PLCB4: variants seen among roughly 807,000 people sequenced by gnomAD.
The protein encoded by PLCB4 is phospholipase C beta 4.
In PLCB4, 77 loss-of-function variants were observed where a neutral mutation model predicts 178.8. The observed-to-expected ratio is 0.43, with a 90% confidence interval of 0.36 to 0.52. The LOEUF is 0.52. PLCB4 is among the 20% of genes least tolerant of loss of function. PLCB4 has a pLI of 0.00. For missense variants in PLCB4, 1,024 were observed against 1,453.4 expected (o/e 0.70, Z 4.80); for synonymous variants, 496 against 490.8 (o/e 1.01, Z -0.14).
At chr20:9,308,405 C>T (rs1017589107) in intron 4 of PLCB4, among the ~76,000 whole-genome samples, 2 of 152,172 alleles carry the variant, frequency 1.3e-5, no homozygotes, top group African/African-American at 2.4e-5. Flanking sequence ...GTGATGACTC[C>T]AGACTTTCTA....
chr20:9,257,160 T>C lies in PLCB4; in HGVS notation c.-16+39708T>C, dbSNP rs74983217. Among the ~76,000 whole-genome samples, 658 of 152,312 alleles carry C rather than the reference T, an allele frequency of 4.3e-3. 5 individuals are homozygous for C. The highest frequency in any genetic ancestry group is 0.015 in the African/African-American group (627 of 41,568). On this transcript the variant is annotated intron_variant, in intron 3 of 39. Coordinates refer to ENST00000378473, the MANE Select transcript of PLCB4 (RefSeq NM_001377142.1). ...GAATATCTTGGGATACTTCCTTTCC[T>C]CCTAGAGGTAGTATTTATTCTGTTT...
At chr20:9,126,046 A>G (rs1311990951) in intron 2 of PLCB4, among the ~76,000 whole-genome samples, 2 of 152,138 alleles carry the variant, frequency 1.3e-5, no homozygotes, top group African/African-American at 4.8e-5. Flanking sequence ...GTGTAAAAGT[A>G]AAGACAGTAA....
At chr20:9,341,043 A>G (rs543140152) in intron 7 of PLCB4, among the ~76,000 whole-genome samples, 1 of 152,306 alleles carries the variant, frequency 6.6e-6, no homozygotes, top group East Asian at 1.9e-4. Flanking sequence ...AAGCTGGGCC[A>G]GAGTCCAACC....
intron 3 of PLCB4, among the ~76,000 whole-genome samples, chr20:9,246,412 C>A (rs2094126668): frequency 6.6e-6 from 1 of 152,196 alleles, no homozygotes. Context: ...AGCAGATGTA[C>A]AAACCCAGCT....
chr20:9,420,714 T>C (rs1258382087), intron 26 of PLCB4, among the ~76,000 whole-genome samples: 1 of 152,218 alleles, frequency 6.6e-6, no homozygotes, highest in Non-Finnish European at 1.5e-5. Flanking sequence ...TAGAAAATAA[T>C]GTAAACAAAA....
chr20:9,454,649 T>C (rs897563500), intron 33 of PLCB4, among the ~76,000 whole-genome samples: 1 of 152,222 alleles, frequency 6.6e-6, no homozygotes, highest in Non-Finnish European at 1.5e-5. Flanking sequence ...GAACAGATTA[T>C]GTTAGTTATA....
intron 2 of PLCB4, among the ~76,000 whole-genome samples, chr20:9,141,404 AAAGTTAGT>A (rs1210291343): frequency 7.2e-5 from 11 of 152,172 alleles, no homozygotes; most frequent in African/African-American, 2.7e-4. Flanking sequence ...ATCTAAAAAG[AAAGTTAGT>A]AAGTTAGTAA....
chr20:9,079,453 C>T (rs2090041259), intron 1 of PLCB4, among the ~76,000 whole-genome samples: 1 of 152,172 alleles, frequency 6.6e-6, no homozygotes, highest in African/African-American at 2.4e-5. Context: ...AATATCCCTC[C>T]AGGGAGACAG....
At chr20:9,420,119 C>A (rs2040524607) in intron 26 of PLCB4, among the ~76,000 whole-genome samples, 1 of 152,024 alleles carries the variant, frequency 6.6e-6, no homozygotes, top group South Asian at 2.1e-4. Flanking sequence ...CAAAAAAGTA[C>A]CTGCTACTTG....
chr20:9,256,829 T>C (rs1048340939), intron 3 of PLCB4, among the ~76,000 whole-genome samples: 3 of 152,210 alleles, frequency 2.0e-5, no homozygotes, highest in Admixed American at 1.3e-4. Flanking sequence ...CAGAAATACA[T>C]TTTCCTATTT....
chr20:9,127,674 CTAT>C (rs749769974), intron 2 of PLCB4, among the ~76,000 whole-genome samples: 6,695 of 151,322 alleles, frequency 0.044, 181 homozygotes, highest in Middle Eastern at 0.099. Context: ...ATCTATCTAT[CTAT>C]CTATCTATCC....
At chr20:9,411,451 C>T (rs2039855059) in intron 25 of PLCB4, among the ~76,000 whole-genome samples, 1 of 152,074 alleles carries the variant, frequency 6.6e-6, no homozygotes, top group Non-Finnish European at 1.5e-5. Flanking sequence ...TTACCTAGGA[C>T]AAATCAAATA....
intron 16 of PLCB4, 59 bp downstream of exon 16, chr20:9,390,017 C>A: frequency 1.2e-6 from 1 of 849,144 alleles, no homozygotes; most frequent in Non-Finnish European, 2.0e-6. Flanking sequence ...ACCCCTAATG[C>A]CCACTCCTGC....
At chr20:9,383,353 G>T (rs796341721) in intron 13 of PLCB4, among the ~76,000 whole-genome samples, 13 of 152,326 alleles carry the variant, frequency 8.5e-5, no homozygotes, top group African/African-American at 2.9e-4. Context: ...GTTGAGATCT[G>T]ACCACACTGG....
chr20:9,150,553 T>C (rs754250285), intron 2 of PLCB4, among the ~76,000 whole-genome samples: 1 of 152,178 alleles, frequency 6.6e-6, no homozygotes, highest in Non-Finnish European at 1.5e-5. Context: ...TCAATGCAGC[T>C]TCCATTTTTT....
In PLCB4 at chr20:9,371,215, A is replaced by G. The variant is rs2036227123; in HGVS notation, c.505A>G (p.Ile169Val). The change falls in exon 10 of 40, where the codon ATT (isoleucine) becomes GTT (valine). Residue 169 changes from isoleucine (I) to valine (V), a missense_variant and splice_region_variant. Ile to Val is a conservative substitution (Grantham distance 29). Around this residue, in one of 7 missense-constraint regions of PLCB4, gnomAD observed 225 missense variants for 291.0 expected, o/e 0.77. Coordinates refer to ENST00000378473, the MANE Select transcript of PLCB4 (RefSeq NM_001377142.1). ...GTGTTTCTTTCTTTTCTGCCCTAGT[A>G]TTACTAGAACATTTGCATCGGGAAA... ...NTNGKIPVRSITRTFASGKTE... is the reference protein window; with the variant it reads ...NTNGKIPVRSVTRTFASGKTE... 8 of 1,590,800 alleles carry G rather than the reference A, an allele frequency of 5.0e-6. No individual in the cohort carries two copies. The highest frequency in any genetic ancestry group is 2.2e-5 in the East Asian group (1 of 44,766).
chr20:9,284,052 A>C (rs1264986483), intron 3 of PLCB4, among the ~76,000 whole-genome samples: 1 of 151,990 alleles, frequency 6.6e-6, no homozygotes, highest in Non-Finnish European at 1.5e-5. Context: ...CAGAAAACAA[A>C]ATATATGTAG....
chr20:9,361,105 A>T (rs2035286449), intron 7 of PLCB4, among the ~76,000 whole-genome samples: 1 of 152,262 alleles, frequency 6.6e-6, no homozygotes, highest in Admixed American at 6.5e-5. Flanking sequence ...GATGAAAAAC[A>T]GTATGGTATT....
intron 2 of PLCB4, among the ~76,000 whole-genome samples, chr20:9,140,062 G>A (rs1489863313): frequency 6.6e-6 from 1 of 152,014 alleles, no homozygotes; most frequent in Non-Finnish European, 1.5e-5. Context: ...TTTTTCTGGA[G>A]TAATTCTCTC....
Sources: allele counts gnomAD v4.1 joint callset (sites outside exome capture counted in the v4.1 genomes callset), GRCh38; gene constraint gnomAD v4.1.1; regional missense constraint gnomAD v4.1.1; transcripts MANE v1.5; gene names NCBI Gene and HGNC (gene_info 2026-07-23, HGNC 2026-07-21).